The following SLC25A42 variants were observed in gnomAD, a reference collection of about 807,000 sequenced individuals.
SLC25A42 encodes solute carrier family 25 member 42, also known as mitochondrial coenzyme A transporter SLC25A42.
SLC25A42 carries 19 observed loss-of-function variants against 34.7 expected under a neutral mutation model. The ratio of observed to expected loss-of-function variants is 0.55; its 90% confidence interval spans 0.38 to 0.80. The LOEUF is 0.80. Among genes scored for constraint, SLC25A42 ranks in the 30% least tolerant of loss-of-function variants. The probability of loss-of-function intolerance (pLI) is 0.00; values close to 1 mark genes in which losing one functional copy is unlikely to be tolerated. For synonymous variants in SLC25A42, 205 were observed against 191.2 expected, an observed-to-expected ratio of 1.07 and a Z score of -0.59; for missense variants, 364 against 441.3, an observed-to-expected ratio of 0.82 and a Z score of 1.57.
At chr19:19,108,711 A>G (rs16994664) in intron 7 of SLC25A42, among the ~76,000 whole-genome samples, 7,011 of 152,298 alleles carry the variant, frequency 0.046, 194 homozygotes, top group Middle Eastern at 0.11. Context: ...AAAAGTACAA[A>G]GAATGATATA....
At chr19:19,108,446 G>A (rs889583011) in intron 7 of SLC25A42, among the ~76,000 whole-genome samples, 1 of 152,120 alleles carries the variant, frequency 6.6e-6, no homozygotes, top group Non-Finnish European at 1.5e-5. Flanking sequence ...CTACTAGAGA[G>A]GCTGCGGTGG....
chr19:19,067,831 A>G (rs183588126), intron 1 of SLC25A42, among the ~76,000 whole-genome samples: 4 of 152,124 alleles, frequency 2.6e-5, no homozygotes, highest in East Asian at 3.9e-4. Context: ...ACTCTCTCCA[A>G]TTGTCCAATT....
intron 1 of SLC25A42, among the ~76,000 whole-genome samples, chr19:19,094,661 C>G (rs2059755303): frequency 6.6e-6 from 1 of 152,230 alleles, no homozygotes; most frequent in South Asian, 2.1e-4. Context: ...TACAGCGTCA[C>G]TCACCGGCAC....
chr19:19,102,632 T>C (rs2059804114), intron 3 of SLC25A42, among the ~76,000 whole-genome samples: 1 of 152,002 alleles, frequency 6.6e-6, no homozygotes, highest in South Asian at 2.1e-4. Flanking sequence ...CAATCCCAGC[T>C]ACTCTGGAGG....
At chr19:19,072,270 T>C (rs1174986666) in intron 1 of SLC25A42, among the ~76,000 whole-genome samples, 1 of 152,266 alleles carries the variant, frequency 6.6e-6, no homozygotes, top group Non-Finnish European at 1.5e-5. Flanking sequence ...TGATTCCTTA[T>C]TAGGGAGAAC....
At chr19:19,082,391 C>T (rs1363722062) in intron 1 of SLC25A42, among the ~76,000 whole-genome samples, 1 of 152,168 alleles carries the variant, frequency 6.6e-6, no homozygotes, top group African/African-American at 2.4e-5. Flanking sequence ...CTTTTCCTTT[C>T]CTTTCCTGAC....
At chr19:19,090,490 T>C (rs2059732495) in intron 1 of SLC25A42, among the ~76,000 whole-genome samples, 1 of 152,072 alleles carries the variant, frequency 6.6e-6, no homozygotes, top group Admixed American at 6.6e-5. Context: ...TATGTTAGGT[T>C]TGATGAAGAT....
Position 19,105,691 on chromosome 19 carries a change from A to C in SLC25A42, c.344A>C (p.Lys115Thr). ...AIQFSAHEEY[K>T]RILGSYYGFR... is the part of the protein sequence containing the mutation. ...CAGTTCAGCGCACACGAGGAGTACA[A>C]GCGCATCCTGGGCAGCTACTATGGC... is the stretch of plus-strand genomic sequence containing the variant. Residue 115 changes from lysine to threonine, a missense_variant, in exon 5 of 8, where the codon AAG becomes ACG. Lys to Thr is a moderately conservative substitution (Grantham distance 78, BLOSUM62 -1). Coordinates refer to ENST00000318596, the MANE Select transcript of SLC25A42 (RefSeq NM_178526.5). 2.5e-6 allele frequency: 4 copies of C among 1,608,076 alleles called. No homozygotes were observed. The highest frequency in any genetic ancestry group is 3.4e-6 in the Non-Finnish European group (4 of 1,176,568).
At chr19:19,108,176 G>T in intron 7 of SLC25A42, 131 bp downstream of exon 7, 1 of 999,526 alleles carries the variant, frequency 1.0e-6, no homozygotes, top group South Asian at 1.8e-5. Context: ...GCAGGCTGTA[G>T]ACCCACATCC....
intron 4 of SLC25A42, 55 bp downstream of exon 4, chr19:19,104,993 G>A: frequency 6.2e-7 from 1 of 1,605,536 alleles, no homozygotes; most frequent in South Asian, 1.1e-5. Flanking sequence ...ACCCTGATGG[G>A]CTGGCAGGAG....
At chr19:19,085,119 G>A (rs1329793155) in intron 1 of SLC25A42, among the ~76,000 whole-genome samples, 1 of 152,062 alleles carries the variant, frequency 6.6e-6, no homozygotes, top group Non-Finnish European at 1.5e-5. Flanking sequence ...AAACTTCCCT[G>A]AGTTTCATCT....
intron 1 of SLC25A42, among the ~76,000 whole-genome samples, chr19:19,079,674 A>T (rs1380291867): frequency 6.6e-6 from 1 of 152,192 alleles, no homozygotes; most frequent in Non-Finnish European, 1.5e-5. Context: ...CAGTTGGGTT[A>T]CTTCCACTTT....
chr19:19,096,306 C>G (rs555775326), intron 2 of SLC25A42, 101 bp downstream of exon 2: 19 of 839,592 alleles, frequency 2.3e-5, no homozygotes, highest in African/African-American at 1.7e-4. Flanking sequence ...CTCTGCACCC[C>G]CTCCAAACAG....
In SLC25A42 at chr19:19,070,929, G is replaced by A. The variant is rs572721053; in HGVS notation, c.-35+6814G>A. Among the ~76,000 whole-genome samples, 7 of 151,856 alleles carry A rather than the reference G, an allele frequency of 4.6e-5. No individual in the cohort carries two copies. The South Asian group carries it at 6.2e-4, about 14-fold the overall frequency. On this transcript the variant is annotated intron_variant, in intron 1 of 7. Coordinates refer to ENST00000318596, the MANE Select transcript of SLC25A42 (RefSeq NM_178526.5). ...CTTTGCTTACTCACCTGTCTCCCTCGGAAGGTGGAGGCATCCAGATGCTCT... is the reference window on the plus strand; with the variant it reads ...CTTTGCTTACTCACCTGTCTCCCTCAGAAGGTGGAGGCATCCAGATGCTCT...
chr19:19,101,777 G>A lies in SLC25A42; in HGVS notation c.82-4G>A, dbSNP rs1184701734. 2.5e-6 allele frequency: 4 copies of A among 1,610,230 alleles called. No homozygotes were observed. Among genetic ancestry groups the A allele is most frequent in the Non-Finnish European group, 3.4e-6 (4 of 1,178,440 alleles). ...CTGACCTCTGATCACATGTTCTGTT[G>A]CAGCGTGACCACAGGCAAGTGCTCA... is the stretch of plus-strand genomic sequence containing the variant. On this transcript the variant is annotated splice_polypyrimidine_tract_variant and splice_region_variant and intron_variant, in intron 2 of 7. Coordinates refer to ENST00000318596, the MANE Select transcript of SLC25A42 (RefSeq NM_178526.5).
At chr19:19,069,053 T>C (rs907856188) in intron 1 of SLC25A42, among the ~76,000 whole-genome samples, 3 of 150,502 alleles carry the variant, frequency 2.0e-5, no homozygotes, top group African/African-American at 4.9e-5. Context: ...GTATATAACA[T>C]GTATGTGAAA....
intron 2 of SLC25A42, 49 bp downstream of exon 2, chr19:19,096,254 T>TGGGGGCCCCCCCCCCCC: frequency 2.1e-6 from 3 of 1,456,718 alleles, no homozygotes; most frequent in Non-Finnish European, 1.9e-6. Context: ...GGCCCCAGCC[T>TGGGGGCCCCCCCCCCCC]CCCCACCCCC....
intron 1 of SLC25A42, among the ~76,000 whole-genome samples, chr19:19,070,991 C>CTTTTTTTTT (rs35787720): frequency 8.5e-6 from 1 of 117,208 alleles, no homozygotes; most frequent in African/African-American, 3.5e-5. Context: ...TGCATACCGT[C>CTTTTTTTTT]TTTTTTTTTT....
At chr19:19,083,416 A>G (rs2059690905) in intron 1 of SLC25A42, among the ~76,000 whole-genome samples, 1 of 152,244 alleles carries the variant, frequency 6.6e-6, no homozygotes, top group African/African-American at 2.4e-5. Context: ...GACATCTTTG[A>G]GTGCCATTAT....
Sources: gnomAD v4.1 joint callset for allele counts (sites outside exome capture counted in the v4.1 genomes callset) on GRCh38, gnomAD v4.1.1 for gene constraint, MANE v1.5 for transcripts, NCBI Gene and HGNC (gene_info 2026-07-23, HGNC 2026-07-21) for gene names.